The following CNBD1 variants were observed in gnomAD, a reference collection of about 807,000 sequenced individuals.
The protein encoded by CNBD1 is cyclic nucleotide binding domain containing 1.
A neutral mutation model predicts 54.4 loss-of-function variants in CNBD1; 71 were observed. The ratio of observed to expected loss-of-function variants is 1.30; its 90% CI spans 1.08 to 1.59. The LOEUF is 1.59. CNBD1 is among the 40% of genes most tolerant of loss of function. The pLI, the probability that CNBD1 is intolerant of heterozygous loss-of-function variation, is 0.00. For synonymous variants in CNBD1, 182 were observed against 170.7 expected, an observed-to-expected ratio of 1.07 and a Z score of -0.51; for missense variants, 659 against 518.0, an observed-to-expected ratio of 1.27 and a Z score of -2.64.
chr8:87,268,224 A>G (rs551659815), intron 6 of CNBD1, among the ~76,000 whole-genome samples: 1 of 152,122 alleles, frequency 6.6e-6, no homozygotes, highest in Non-Finnish European at 1.5e-5. Context: ...CTGTTTCTTC[A>G]TTAATTTACT....
chr8:87,061,910 A>G (rs539116430), intron 4 of CNBD1, among the ~76,000 whole-genome samples: 1 of 152,316 alleles, frequency 6.6e-6, no homozygotes, highest in East Asian at 1.9e-4. Context: ...CTGTCAGTAC[A>G]GCTAAGTATG....
At chr8:87,391,570 C>G (rs1230567751) in intron 2 of CNBD1, among the ~76,000 whole-genome samples, 1 of 151,906 alleles carries the variant, frequency 6.6e-6, no homozygotes, top group Non-Finnish European at 1.5e-5. Context: ...GATTTTTTGA[C>G]AGGTTGCTGA....
chr8:86,913,365 T>C (rs1446663844), intron 3 of CNBD1, among the ~76,000 whole-genome samples: 1 of 151,168 alleles, frequency 6.6e-6, no homozygotes, highest in East Asian at 1.9e-4. Context: ...TTAGATATGC[T>C]TAGATACGTA....
chr8:87,373,565 T>A (rs2337042), intron 10 of CNBD1, among the ~76,000 whole-genome samples: 60,523 of 151,562 alleles, frequency 0.4, 12,345 homozygotes, highest in Middle Eastern at 0.46. Context: ...TTTAGATGAC[T>A]GGTATGTAAA....
intron 6 of CNBD1, among the ~76,000 whole-genome samples, chr8:87,238,746 C>T (rs1300177723): frequency 6.6e-6 from 1 of 152,052 alleles, no homozygotes; most frequent in Non-Finnish European, 1.5e-5. Context: ...AAGTCAGATT[C>T]TCAGATTTTT....
chr8:87,302,310 G>A (rs150748125), intron 8 of CNBD1, among the ~76,000 whole-genome samples: 61 of 152,134 alleles, frequency 4.0e-4, no homozygotes, highest in Non-Finnish European at 6.9e-4. Flanking sequence ...GGGCTTCATC[G>A]CTGGGATGCA....
rs369697696 is a variant in CNBD1 at position 87,044,212 on chromosome 8, GT to G, written c.431+104468del. ...TTCACATGATCATATGTTTTTGTGG[GT>G]TTTTTTTTTGTTTTTTTGCAAAAGT... On this transcript the variant is annotated intron_variant, in intron 4 of 10. Transcript: ENST00000518476. Among the ~76,000 whole-genome samples the G allele has an allele frequency of 6.8e-3, 980 of 144,880 alleles. 14 individuals are homozygous for G. Among genetic ancestry groups the G allele is most frequent in the African/African-American group, 0.021 (819 of 39,698 alleles).
At chr8:87,157,666 CA>C (rs2130755843) in intron 4 of CNBD1, among the ~76,000 whole-genome samples, 1 of 152,270 alleles carries the variant, frequency 6.6e-6, no homozygotes, top group South Asian at 2.1e-4. Context: ...GGGGATTTCC[CA>C]GGGCTCCTCC....
At chr8:87,002,406 G>A (rs1404167485) in intron 4 of CNBD1, among the ~76,000 whole-genome samples, 1 of 152,110 alleles carries the variant, frequency 6.6e-6, no homozygotes. Flanking sequence ...GAGAGTAAAA[G>A]CCAGAGTCCT....
intron 4 of CNBD1, among the ~76,000 whole-genome samples, chr8:87,129,860 C>A (rs892712900): frequency 1.3e-5 from 2 of 151,822 alleles, no homozygotes; most frequent in African/African-American, 4.8e-5. Flanking sequence ...AAAGACATAC[C>A]CAAGACTGGG....
At chr8:87,202,625 C>A (rs1813887245) in intron 4 of CNBD1, among the ~76,000 whole-genome samples, 1 of 152,158 alleles carries the variant, frequency 6.6e-6, no homozygotes, top group Admixed American at 6.5e-5. Context: ...TAATGGCTGT[C>A]TGACTGTTGA....
At chr8:87,415,836 A>C (rs1807825573) in intron 2 of CNBD1, among the ~76,000 whole-genome samples, 1 of 152,064 alleles carries the variant, frequency 6.6e-6, no homozygotes, top group Non-Finnish European at 1.5e-5. Context: ...TAAGACAAAT[A>C]GGGAAAATAG....
chr8:87,023,600 A>G (rs1396658519), intron 4 of CNBD1, among the ~76,000 whole-genome samples: 4 of 152,114 alleles, frequency 2.6e-5, no homozygotes, highest in Non-Finnish European at 4.4e-5. Context: ...TAATTATGTC[A>G]TATATTTCTT....
chr8:87,298,552 T>G (rs2130880218), intron 8 of CNBD1, among the ~76,000 whole-genome samples: 1 of 150,910 alleles, frequency 6.6e-6, no homozygotes, highest in African/African-American at 2.4e-5. Context: ...TGGAGCAATC[T>G]TGGCTCACTG....
chr8:87,049,790 T>C (rs1407065201), intron 4 of CNBD1, among the ~76,000 whole-genome samples: 3 of 152,166 alleles, frequency 2.0e-5, no homozygotes, highest in African/African-American at 7.2e-5. Flanking sequence ...AGACTCCCTT[T>C]AGAGGATAGC....
At chr8:87,300,699 G>C (rs1431581187) in intron 8 of CNBD1, among the ~76,000 whole-genome samples, 1 of 74 alleles carries the variant, frequency 0.014, no homozygotes, top group Non-Finnish European at 0.033. Flanking sequence ...GTATATGTGT[G>C]TGATACACAC....
intron 8 of CNBD1, among the ~76,000 whole-genome samples, chr8:87,303,799 TAAAC>T (rs1395042930): frequency 4.1e-5 from 6 of 147,878 alleles, no homozygotes; most frequent in East Asian, 2.0e-4. Context: ...AGAAAAAAAA[TAAAC>T]AACCCCATCA....
chr8:87,287,185 C>T (rs1431974413), intron 8 of CNBD1, among the ~76,000 whole-genome samples: 1 of 152,102 alleles, frequency 6.6e-6, no homozygotes, highest in Non-Finnish European at 1.5e-5. Context: ...TTTCAATATT[C>T]AGCATAGCAA....
intron 4 of CNBD1, among the ~76,000 whole-genome samples, chr8:87,171,965 G>GCTAT (rs1271390682): frequency 1.3e-5 from 2 of 151,986 alleles, no homozygotes; most frequent in East Asian, 3.9e-4. Context: ...TTGACTTACA[G>GCTAT]CTATACACTT....
Sources: allele counts gnomAD v4.1 joint callset (sites outside exome capture counted in the v4.1 genomes callset), GRCh38; gene constraint gnomAD v4.1.1; transcripts MANE v1.5; gene names NCBI Gene and HGNC (gene_info 2026-07-23, HGNC 2026-07-21).